The following AKAP19 variants were observed in gnomAD, a reference collection of about 807,000 sequenced individuals.
AKAP19 encodes the protein A-kinase anchoring protein 19, also known as small A-kinase anchoring protein.
chr2:190,033,917 A>G, the AKAP19 span, among the ~76,000 whole-genome samples: 1 of 152,084 alleles, frequency 6.6e-6, no homozygotes, highest in Non-Finnish European at 1.5e-5. Flanking sequence ...AGTTTCCATT[A>G]TAGACAGTAT....
chr2:190,009,709 C>G, the AKAP19 span, among the ~76,000 whole-genome samples: 1 of 152,010 alleles, frequency 6.6e-6, no homozygotes, highest in African/African-American at 2.4e-5. Context: ...TGGGAGCCTT[C>G]GTCATAGAAA....
chr2:189,946,989 C>T, the AKAP19 span, among the ~76,000 whole-genome samples: 23 of 152,284 alleles, frequency 1.5e-4, 1 homozygote, highest in Admixed American at 9.8e-4. Flanking sequence ...TGTCACTTAT[C>T]GGCCATATAT....
the AKAP19 span, among the ~76,000 whole-genome samples, chr2:190,191,744 T>C: frequency 2.4e-4 from 36 of 152,362 alleles, no homozygotes; most frequent in East Asian, 4.2e-3. Flanking sequence ...CATGTACTTA[T>C]ATTTGCTATC....
chr2:189,972,465 G>T, the AKAP19 span, among the ~76,000 whole-genome samples: 3 of 152,146 alleles, frequency 2.0e-5, no homozygotes, highest in Non-Finnish European at 2.9e-5. Context: ...GGCAATGCGG[G>T]CTCTTTTTTG....
the AKAP19 span, among the ~76,000 whole-genome samples, chr2:190,103,676 A>G: frequency 2.0e-5 from 3 of 152,262 alleles, no homozygotes; most frequent in Admixed American, 2.0e-4. Flanking sequence ...CACTGATGAA[A>G]GAAATCATAG....
At chr2:190,163,428 C>A in the AKAP19 span, among the ~76,000 whole-genome samples, 1 of 147,572 alleles carries the variant, frequency 6.8e-6, no homozygotes, top group East Asian at 2.0e-4. Flanking sequence ...AGCGAGACTC[C>A]GTCTCAAAAA....
the AKAP19 span, among the ~76,000 whole-genome samples, chr2:190,159,389 AT>A: frequency 6.6e-6 from 1 of 152,194 alleles, no homozygotes; most frequent in South Asian, 2.1e-4. Context: ...TACAATGATT[AT>A]TTTGTGAATA....
At chr2:189,995,679 G>T in the AKAP19 span, among the ~76,000 whole-genome samples, 8 of 151,128 alleles carry the variant, frequency 5.3e-5, no homozygotes, top group South Asian at 4.2e-4. Flanking sequence ...TGAATACCTT[G>T]TGTGTTTTTT....
chr2:190,134,811 A>G, the AKAP19 span, among the ~76,000 whole-genome samples: 2 of 144,618 alleles, frequency 1.4e-5, no homozygotes, highest in East Asian at 1.9e-4. Flanking sequence ...ACTATTCTAT[A>G]TTGTTAAATA....
chr2:190,072,326 G>A, the AKAP19 span, among the ~76,000 whole-genome samples: 1 of 152,038 alleles, frequency 6.6e-6, no homozygotes, highest in Non-Finnish European at 1.5e-5. Flanking sequence ...CTCACTACCT[G>A]GATGATGGGA....
At chr2:190,188,861 C>T in the AKAP19 span, among the ~76,000 whole-genome samples, 2 of 152,132 alleles carry the variant, frequency 1.3e-5, no homozygotes, top group African/African-American at 4.8e-5. Context: ...GGGATGGAAA[C>T]TATAGCATGA....
the AKAP19 span, among the ~76,000 whole-genome samples, chr2:190,128,083 G>A: frequency 6.6e-6 from 1 of 152,118 alleles, no homozygotes; most frequent in Admixed American, 6.5e-5. Flanking sequence ...ACTCAATGTG[G>A]AAATACAGCT....
chr2:189,951,684 C>A, the AKAP19 span, among the ~76,000 whole-genome samples: 1 of 152,272 alleles, frequency 6.6e-6, no homozygotes, highest in African/African-American at 2.4e-5. Context: ...CTTCCAATAC[C>A]TAAAAGTCTA....
chr2:190,175,053 G>T, the AKAP19 span, among the ~76,000 whole-genome samples: 1 of 150,476 alleles, frequency 6.6e-6, no homozygotes, highest in East Asian at 1.9e-4. Context: ...TGGTGGTGGG[G>T]GTAGGGGTGG....
chr2:190,058,476 T>C, the AKAP19 span, among the ~76,000 whole-genome samples: 2 of 151,586 alleles, frequency 1.3e-5, no homozygotes, highest in Non-Finnish European at 2.9e-5. Flanking sequence ...ATTTTGGGAG[T>C]CATTAACATT....
At chr2:190,052,072 C>T in the AKAP19 span, among the ~76,000 whole-genome samples, 1 of 151,996 alleles carries the variant, frequency 6.6e-6, no homozygotes, top group Non-Finnish European at 1.5e-5. Context: ...ATCTCCTGAC[C>T]TCGTGATCCG....
At chr2:190,188,044 G>A in the AKAP19 span, among the ~76,000 whole-genome samples, 1 of 152,180 alleles carries the variant, frequency 6.6e-6, no homozygotes, top group African/African-American at 2.4e-5. Context: ...TGACTGTCAT[G>A]TGTATATATG....
the AKAP19 span, among the ~76,000 whole-genome samples, chr2:189,902,021 T>C: frequency 2.0e-5 from 3 of 152,164 alleles, no homozygotes; most frequent in African/African-American, 7.2e-5. Flanking sequence ...ATGAGAGTTA[T>C]TACTGTTATT....
the AKAP19 span, among the ~76,000 whole-genome samples, chr2:190,162,850 T>A: frequency 6.6e-6 from 1 of 152,034 alleles, no homozygotes; most frequent in Non-Finnish European, 1.5e-5. Context: ...GGAAAAAAAA[T>A]GAAGGTAAAT....
Sources: gnomAD v4.1 joint callset for allele counts (sites outside exome capture counted in the v4.1 genomes callset) on GRCh38, gnomAD v4.1.1 for gene constraint, MANE v1.5 for transcripts, NCBI Gene and HGNC (gene_info 2026-07-23, HGNC 2026-07-21) for gene names.